Variants in MECOM observed in about 807,000 individuals in gnomAD.
MECOM encodes histone-lysine N-methyltransferase MECOM.
In MECOM, 13 loss-of-function variants were observed where a neutral mutation model predicts 116.3. The observed-to-expected ratio is 0.11, with a 90% CI of 0.07 to 0.18. MECOM has a LOEUF of 0.18. Among genes scored for constraint, MECOM ranks in the 10% least tolerant of loss-of-function variants. MECOM has a pLI of 1.00. For missense variants in MECOM, 1,299 were observed against 1,509.0 expected, an observed-to-expected ratio of 0.86 and a Z score of 2.31; for synonymous variants, 528 against 535.2, an observed-to-expected ratio of 0.99 and a Z score of 0.19.
intron 1 of MECOM, among the ~76,000 whole-genome samples, chr3:169,506,578 T>G (rs1276533861): frequency 1.3e-5 from 2 of 152,172 alleles, no homozygotes; most frequent in African/African-American, 4.8e-5. Flanking sequence ...AGAAAATGAT[T>G]TACCTATCTT....
chr3:169,631,793 GA>G (rs1379921674), intron 1 of MECOM, among the ~76,000 whole-genome samples: 4 of 151,986 alleles, frequency 2.6e-5, no homozygotes, highest in Non-Finnish European at 5.9e-5. Flanking sequence ...AAGAGAGCTT[GA>G]AACTAAATAA....
chr3:169,535,510 G>A (rs554759981), intron 1 of MECOM, among the ~76,000 whole-genome samples: 52 of 152,202 alleles, frequency 3.4e-4, no homozygotes, highest in Admixed American at 1.0e-3. Context: ...TCCTAAAGTC[G>A]TTCCAGAGCA....
Position 169,646,911 on chromosome 3 carries a change from A to G in MECOM, c.37+16425T>C, listed in dbSNP as rs564293759. 5.9e-5 allele frequency among the ~76,000 whole-genome samples: 9 copies of G among 152,332 alleles called. No individual in the cohort carries two copies. In the South Asian group the frequency reaches 1.2e-3, roughly 21 times the overall value. On this transcript the variant is annotated intron_variant, in intron 1 of 16. Transcript: ENST00000651503. The stretch of plus-strand genomic sequence containing the variant: ...AAATCATAACGTAATAGAAAATCAC[A>G]ATGCAGATAACTTGAGGAAGAAAAT...
intron 1 of MECOM, among the ~76,000 whole-genome samples, chr3:169,385,435 G>A (rs1175871984): frequency 6.6e-6 from 1 of 151,966 alleles, no homozygotes. Context: ...ATATATGCAA[G>A]TGCAGGCAAT....
chr3:169,327,646 A>AAC (rs1229558807), intron 2 of MECOM, among the ~76,000 whole-genome samples: 1 of 151,738 alleles, frequency 6.6e-6, no homozygotes, highest in Non-Finnish European at 1.5e-5. Context: ...TCTCAAAAAA[A>AAC]AAAAAAAAAA....
At chr3:169,340,699 C>T (rs1299189662) in intron 2 of MECOM, among the ~76,000 whole-genome samples, 4 of 152,130 alleles carry the variant, frequency 2.6e-5, no homozygotes, top group African/African-American at 7.2e-5. Flanking sequence ...TTTAAAAATA[C>T]ATTTAGCCAT....
chr3:169,145,061 T>C, intron 2 of MECOM: 8 of 1,529,738 alleles, frequency 5.2e-6, no homozygotes, highest in Non-Finnish European at 6.1e-6. Flanking sequence ...GAATAAGCCT[T>C]TGGCCATGAG....
At chr3:169,341,350 T>C (rs1724469219) in intron 2 of MECOM, among the ~76,000 whole-genome samples, 1 of 150,160 alleles carries the variant, frequency 6.7e-6, no homozygotes, top group Non-Finnish European at 1.5e-5. Flanking sequence ...ATCAAAACAA[T>C]TGAACTCATG....
chr3:169,520,380 T>C (rs1360108996), intron 1 of MECOM, among the ~76,000 whole-genome samples: 2 of 152,204 alleles, frequency 1.3e-5, no homozygotes, highest in Non-Finnish European at 2.9e-5. Context: ...ATCCTTGGAC[T>C]TCCAGGACAA....
At chr3:169,275,336 C>T (rs1217704267) in intron 2 of MECOM, among the ~76,000 whole-genome samples, 1 of 152,220 alleles carries the variant, frequency 6.6e-6, no homozygotes, top group Non-Finnish European at 1.5e-5. Context: ...GCCAACTATA[C>T]ATTTTCTATC....
chr3:169,220,163 C>CA (rs1751950655), intron 2 of MECOM, among the ~76,000 whole-genome samples: 2 of 151,508 alleles, frequency 1.3e-5, no homozygotes, highest in South Asian at 2.1e-4. Context: ...CCTGTCTCTC[C>CA]AAAAAAATAC....
intron 1 of MECOM, among the ~76,000 whole-genome samples, chr3:169,401,107 C>T (rs9856556): frequency 0.017 from 2,604 of 152,288 alleles, 87 homozygotes; most frequent in African/African-American, 0.06. Context: ...CTTTAATAAC[C>T]TATGGGGTCT....
At chr3:169,546,393 G>A in intron 1 of MECOM, among the ~76,000 whole-genome samples, 1 of 152,138 alleles carries the variant, frequency 6.6e-6, no homozygotes, top group East Asian at 1.9e-4. Context: ...TGGGATGGAA[G>A]GGGCTTTTAA....
chr3:169,638,373 A>G (rs923720122), intron 1 of MECOM, among the ~76,000 whole-genome samples: 2 of 151,942 alleles, frequency 1.3e-5, no homozygotes, highest in African/African-American at 4.8e-5. Context: ...CACATTCTCC[A>G]GGTTTATCCC....
intron 1 of MECOM, among the ~76,000 whole-genome samples, chr3:169,447,115 C>T (rs944672213): frequency 5.9e-5 from 9 of 152,212 alleles, no homozygotes; most frequent in Admixed American, 4.6e-4. Context: ...TAGTTCAAGT[C>T]GTCCTCATCC....
chr3:169,265,622 T>TC (rs1758181762), intron 2 of MECOM, among the ~76,000 whole-genome samples: 1 of 152,168 alleles, frequency 6.6e-6, no homozygotes, highest in Non-Finnish European at 1.5e-5. Flanking sequence ...TGGGAACCCA[T>TC]AGGCCACTGG....
intron 2 of MECOM, among the ~76,000 whole-genome samples, chr3:169,321,964 C>T (rs1720944852): frequency 6.6e-6 from 1 of 152,204 alleles, no homozygotes; most frequent in Admixed American, 6.5e-5. Context: ...GTTTCTGAGG[C>T]TGTCCTTCCA....
At chr3:169,213,498 T>C (rs1751047389) in intron 2 of MECOM, among the ~76,000 whole-genome samples, 1 of 152,152 alleles carries the variant, frequency 6.6e-6, no homozygotes, top group Non-Finnish European at 1.5e-5. Context: ...TGTTCTCAAC[T>C]TTTATCCTAT....
intron 2 of MECOM, among the ~76,000 whole-genome samples, chr3:169,301,764 T>A (rs1716761048): frequency 6.6e-6 from 1 of 152,240 alleles, no homozygotes; most frequent in African/African-American, 2.4e-5. Flanking sequence ...ATAGGATTTA[T>A]ATTACTGAGA....
Sources: allele counts gnomAD v4.1 joint callset (sites outside exome capture counted in the v4.1 genomes callset), GRCh38; gene constraint gnomAD v4.1.1; transcripts MANE v1.5; gene names NCBI Gene and HGNC (gene_info 2026-07-23, HGNC 2026-07-21).